DGKH: variants seen among roughly 807,000 people sequenced by gnomAD.
DGKH encodes the protein diacylglycerol kinase eta, also known as DAG kinase eta.
In DGKH, 90 loss-of-function variants were observed where a neutral mutation model predicts 159.3. The observed-to-expected ratio is 0.57, with a 90% CI of 0.48 to 0.67. The LOEUF is 0.67. DGKH is among the 30% of genes least tolerant of loss of function. The pLI is 0.00. For synonymous variants in DGKH, 536 were observed against 553.8 expected, an observed-to-expected ratio of 0.97 and a Z score of 0.45; for missense variants, 1,181 against 1,506.1, an observed-to-expected ratio of 0.78 and a Z score of 3.57.
At chr13:42,112,410 T>G (rs1326729285) in intron 1 of DGKH, among the ~76,000 whole-genome samples, 1 of 151,582 alleles carries the variant, frequency 6.6e-6, no homozygotes, top group East Asian at 1.9e-4. Context: ...GCCTCCTGAG[T>G]AGGTGGGACT....
intron 20 of DGKH, among the ~76,000 whole-genome samples, chr13:42,205,399 C>T (rs1160892822): frequency 1.3e-5 from 2 of 152,296 alleles, no homozygotes; most frequent in Admixed American, 1.3e-4. Flanking sequence ...GGTAACAGTT[C>T]TGCTTCTACT....
chr13:42,069,189 T>C (rs1566084909), intron 1 of DGKH: 3 of 1,318,498 alleles, frequency 2.3e-6, no homozygotes, highest in Non-Finnish European at 3.2e-6. Context: ...CAGGATCTTC[T>C]TTCCTGCTGA....
chr13:42,075,857 C>T (rs570137057), intron 1 of DGKH, among the ~76,000 whole-genome samples: 1 of 152,172 alleles, frequency 6.6e-6, no homozygotes, highest in Non-Finnish European at 1.5e-5. Flanking sequence ...TAATTCCATC[C>T]TTGATTTCTA....
In DGKH at chr13:42,242,343, G is replaced by A. The variant is rs889543146; in HGVS notation, c.*13155G>A. On this transcript the variant is annotated 3_prime_UTR_variant, in exon 30 of 30. Transcript: ENST00000337343. ...GTCTGTTTTGAAACTAAGCACTTGT[G>A]TCTGAAAGATGCAGATAATATCTAT... is the stretch of plus-strand genomic sequence containing the variant. The A allele has an allele frequency of 6.6e-6, 1 of 152,202 alleles. No individual in the cohort carries two copies. The highest frequency in any genetic ancestry group is 1.5e-5 in the Non-Finnish European group (1 of 68,030). The allele number at this position is 152,202 out of a possible 1,614,324, so 9.4% of individuals were successfully genotyped here. A position where few individuals can be genotyped will look rare whatever the true frequency, so the allele number is the denominator to read the frequency against.
At chr13:42,134,294 G>T (rs1037047566) in intron 3 of DGKH, among the ~76,000 whole-genome samples, 4 of 152,168 alleles carry the variant, frequency 2.6e-5, no homozygotes, top group African/African-American at 9.6e-5. Context: ...GGGGGCCACA[G>T]ACATTAAGAC....
chr13:42,053,498 A>G (rs1434401319), intron 1 of DGKH, among the ~76,000 whole-genome samples: 3 of 146,896 alleles, frequency 2.0e-5, no homozygotes, highest in African/African-American at 7.4e-5. Context: ...CTATATGTAT[A>G]GAACTGTAAC....
downstream of DGKH, among the ~76,000 whole-genome samples, chr13:42,246,910 A>G (rs561957797): frequency 7.2e-5 from 11 of 152,272 alleles, no homozygotes; most frequent in East Asian, 1.9e-3. Flanking sequence ...GTGTGTGTGT[A>G]TATACACACA....
Position 42,074,644 on chromosome 13 carries a change from A to C in DGKH, c.192+25679A>C, listed in dbSNP as rs528890059. Among the ~76,000 whole-genome samples, 430 of 115,370 alleles carry C rather than the reference A, an allele frequency of 3.7e-3. 3 individuals carry two copies. Among genetic ancestry groups the C allele is most frequent in the African/African-American group, 0.014 (411 of 29,704 alleles). 75.7% of individuals were successfully genotyped at this position (115,370 alleles called of 152,430 possible). A position where few individuals can be genotyped will look rare whatever the true frequency, so the allele number is the denominator to read the frequency against. ...ACAGGCCACTGTCTGTATTGTATCT[A>C]TCCGTCCATCCATCCATCCATCCAT... On this transcript the variant is annotated intron_variant, in intron 1 of 29. Coordinates refer to ENST00000337343, the MANE Select transcript of DGKH (RefSeq NM_178009.5).
At chr13:42,073,795 A>G (rs1883129814) in intron 1 of DGKH, among the ~76,000 whole-genome samples, 1 of 152,206 alleles carries the variant, frequency 6.6e-6, no homozygotes, top group Non-Finnish European at 1.5e-5. Flanking sequence ...ACAGAAACAA[A>G]CATAGCGGGC....
At chr13:42,184,272 A>G (rs544480058) in intron 13 of DGKH, among the ~76,000 whole-genome samples, 2 of 152,152 alleles carry the variant, frequency 1.3e-5, no homozygotes, top group Non-Finnish European at 2.9e-5. Flanking sequence ...CCAATCTATG[A>G]TTCTGTCTGG....
chr13:42,130,305 T>TC (rs1365184826), intron 3 of DGKH, among the ~76,000 whole-genome samples: 6 of 152,100 alleles, frequency 3.9e-5, no homozygotes, highest in Admixed American at 3.3e-4. Flanking sequence ...CAGTGATTCC[T>TC]CCCCCATCTG....
chr13:42,109,213 T>C (rs1469634973), intron 1 of DGKH, among the ~76,000 whole-genome samples: 1 of 152,230 alleles, frequency 6.6e-6, no homozygotes, highest in Non-Finnish European at 1.5e-5. Context: ...TGGTATTTAC[T>C]GAGCACCGTG....
chr13:42,130,611 C>T (rs1037867709), intron 3 of DGKH, among the ~76,000 whole-genome samples: 8 of 152,178 alleles, frequency 5.3e-5, no homozygotes, highest in Non-Finnish European at 8.8e-5. Context: ...GCTACCACTC[C>T]TGACAGCAGT....
chr13:42,058,366 A>G (rs907910513), intron 1 of DGKH, among the ~76,000 whole-genome samples: 2 of 152,218 alleles, frequency 1.3e-5, no homozygotes, highest in Admixed American at 6.5e-5. Context: ...CTGAGAACCT[A>G]TTGATGTTGT....
chr13:42,190,870 T>A (rs1594177215), intron 16 of DGKH, among the ~76,000 whole-genome samples: 1 of 152,310 alleles, frequency 6.6e-6, no homozygotes, highest in African/African-American at 2.4e-5. Flanking sequence ...CACAGATTTC[T>A]TTGAGAATTG....
At chr13:42,167,057 G>A (rs1309210938) in intron 9 of DGKH, among the ~76,000 whole-genome samples, 1 of 152,016 alleles carries the variant, frequency 6.6e-6, no homozygotes, top group East Asian at 1.9e-4. Context: ...CAAAGTACAG[G>A]GACTCTCATG....
intron 21 of DGKH, among the ~76,000 whole-genome samples, chr13:42,206,975 T>TTTTC (rs748683859): frequency 0.17 from 14,226 of 83,396 alleles, 2,238 homozygotes; most frequent in African/African-American, 0.19. Context: ...TACTTTTACT[T>TTTTC]TTTCTTTCTT....
chr13:42,192,265 C>A (rs1957091272), intron 16 of DGKH, among the ~76,000 whole-genome samples: 1 of 152,150 alleles, frequency 6.6e-6, no homozygotes, highest in African/African-American at 2.4e-5. Context: ...ACCCTTGAAG[C>A]AGATGGCCAC....
intron 1 of DGKH, among the ~76,000 whole-genome samples, chr13:42,076,518 T>G (rs1954104051): frequency 6.6e-6 from 1 of 152,180 alleles, no homozygotes. Flanking sequence ...AGGAGAGTGT[T>G]GTGTAAGAAA....
Sources: allele counts gnomAD v4.1 joint callset (sites outside exome capture counted in the v4.1 genomes callset), GRCh38; gene constraint gnomAD v4.1.1; transcripts MANE v1.5; gene names NCBI Gene and HGNC (gene_info 2026-07-23, HGNC 2026-07-21).